Variants in DGKG observed in about 807,000 individuals in gnomAD.
The protein encoded by DGKG is diacylglycerol kinase gamma, also known as DAG kinase gamma.
A neutral mutation model predicts 105.3 loss-of-function variants in DGKG; 78 were observed. The observed-to-expected ratio is 0.74, with a 90% CI of 0.62 to 0.89. The LOEUF (loss-of-function observed/expected upper bound fraction) is 0.89, where lower values mean the gene tolerates loss of function less well. Among genes scored for constraint, DGKG ranks in the 40% least tolerant of loss-of-function variants. The probability of loss-of-function intolerance (pLI) is 0.00; values close to 1 mark genes in which losing one functional copy is unlikely to be tolerated. For missense variants in DGKG, 958 were observed against 1,020.1 expected (o/e 0.94, Z 0.83); for synonymous variants, 346 against 367.1 (o/e 0.94, Z 0.66).
intron 23 of DGKG, 111 bp downstream of exon 23, chr3:186,164,787 T>G: frequency 7.9e-7 from 1 of 1,271,178 alleles, no homozygotes; most frequent in Non-Finnish European, 1.1e-6. Flanking sequence ...TATCAAGCTT[T>G]TGTGCTGCAC....
intron 21 of DGKG, chr3:186,207,615 A>G (rs1718810304): frequency 6.5e-6 from 2 of 308,294 alleles, no homozygotes; most frequent in Non-Finnish European, 9.5e-6. Flanking sequence ...CCCCCATTTT[A>G]TAGATGAGAA....
chr3:186,286,867 C>G (rs1460846430), intron 6 of DGKG, among the ~76,000 whole-genome samples: 1 of 151,950 alleles, frequency 6.6e-6, no homozygotes, highest in Non-Finnish European at 1.5e-5. Context: ...GACTCCGTAT[C>G]TACCAAAAAT....
chr3:186,152,218 A>G, intron 24 of DGKG, among the ~76,000 whole-genome samples: 1 of 152,222 alleles, frequency 6.6e-6, no homozygotes, highest in African/African-American at 2.4e-5. Context: ...CCAGAGACCT[A>G]AAAGGGGAGA....
intron 21 of DGKG, among the ~76,000 whole-genome samples, chr3:186,200,782 G>A (rs1019381314): frequency 2.6e-5 from 4 of 152,226 alleles, no homozygotes; most frequent in Admixed American, 2.6e-4. Context: ...GAGTTCTGGC[G>A]GGTTTGTGTG....
intron 15 of DGKG, among the ~76,000 whole-genome samples, chr3:186,261,319 C>T (rs1425728152): frequency 3.9e-5 from 6 of 152,166 alleles, no homozygotes; most frequent in South Asian, 2.1e-4. Flanking sequence ...TCACGGGTGA[C>T]GGTAGCCCAG....
At chr3:186,339,470 C>G (rs1330073515) in intron 1 of DGKG, among the ~76,000 whole-genome samples, 1 of 152,212 alleles carries the variant, frequency 6.6e-6, no homozygotes, top group Non-Finnish European at 1.5e-5. Flanking sequence ...ATCAAAACCT[C>G]AAGACTCCTA....
chr3:186,326,295 G>A (rs1354109076), intron 1 of DGKG, among the ~76,000 whole-genome samples: 1 of 152,068 alleles, frequency 6.6e-6, no homozygotes, highest in African/African-American at 2.4e-5. Flanking sequence ...AGGAGGCTGA[G>A]GTAGGAGAAT....
intron 21 of DGKG, among the ~76,000 whole-genome samples, chr3:186,206,727 G>A (rs1013528034): frequency 3.9e-5 from 6 of 151,966 alleles, no homozygotes; most frequent in African/African-American, 7.3e-5. Flanking sequence ...GGGTGGGGGT[G>A]TGGGGACATG....
intron 2 of DGKG, among the ~76,000 whole-genome samples, chr3:186,319,458 C>A (rs1724978390): frequency 2.0e-5 from 3 of 152,172 alleles, no homozygotes; most frequent in African/African-American, 4.8e-5. Context: ...GAAGGGGGAC[C>A]TGTGCAAGAG....
rs1165295513 is a variant in DGKG at position 186,250,554 on chromosome 3, A to ATTTTTTTTTTTT, written c.1761+1204_1761+1205insAAAAAAAAAAAA. Among the ~76,000 whole-genome samples the ATTTTTTTTTTTT allele has an allele frequency of 1.7e-3, 46 of 27,452 alleles. 1 individual carries two copies. The highest frequency in any genetic ancestry group is 3.9e-3 in the East Asian group (2 of 512). 18.0% of individuals were successfully genotyped at this position (27,452 alleles called of 152,430 possible). On this transcript the variant is annotated intron_variant, in intron 19 of 24. Coordinates refer to ENST00000265022, the MANE Select transcript of DGKG (RefSeq NM_001346.3). ...GAACAAATAGTTCAATAATTCTGTC[A>ATTTTTTTTTTTT]TTCTTTTTTTTTTGAGACAGAGTCT...
chr3:186,323,711 C>T (rs545367686), intron 1 of DGKG, among the ~76,000 whole-genome samples: 15 of 152,046 alleles, frequency 9.9e-5, no homozygotes, highest in South Asian at 2.1e-4. Context: ...CCGAGACGGG[C>T]GGATCACAAG....
intron 21 of DGKG, among the ~76,000 whole-genome samples, chr3:186,195,325 C>T (rs1002221644): frequency 2.0e-5 from 3 of 151,952 alleles, no homozygotes; most frequent in African/African-American, 7.2e-5. Context: ...AAAGAATTAC[C>T]TTAATACTAT....
At chr3:186,213,105 C>T (rs1719112531) in intron 20 of DGKG, among the ~76,000 whole-genome samples, 1 of 152,158 alleles carries the variant, frequency 6.6e-6, no homozygotes, top group South Asian at 2.1e-4. Context: ...CTTCTGAGAT[C>T]TAGTTGGTTG....
At chr3:186,235,472 A>G (rs1720371582) in intron 20 of DGKG, among the ~76,000 whole-genome samples, 1 of 152,224 alleles carries the variant, frequency 6.6e-6, no homozygotes, top group South Asian at 2.1e-4. Context: ...AGGATTTTTA[A>G]CTTTGCTATA....
chr3:186,247,702 AGCC>A (rs1229063490), intron 19 of DGKG, among the ~76,000 whole-genome samples: 4 of 152,202 alleles, frequency 2.6e-5, no homozygotes, highest in Non-Finnish European at 5.9e-5. Context: ...ATTGAGAGAA[AGCC>A]AAGGGCACAC....
chr3:186,205,006 C>T (rs577875040), intron 21 of DGKG, among the ~76,000 whole-genome samples: 17 of 152,126 alleles, frequency 1.1e-4, no homozygotes, highest in African/African-American at 3.9e-4. Flanking sequence ...CATGTAATCC[C>T]AGCACTTTGG....
At chr3:186,254,665 A>G (rs1170061052) in intron 17 of DGKG, among the ~76,000 whole-genome samples, 1 of 151,520 alleles carries the variant, frequency 6.6e-6, no homozygotes, top group African/African-American at 2.4e-5. Context: ...TCTTCTCTCT[A>G]TCCCCATGGT....
chr3:186,334,437 C>G (rs774878600), intron 1 of DGKG, among the ~76,000 whole-genome samples: 4 of 152,164 alleles, frequency 2.6e-5, no homozygotes, highest in Non-Finnish European at 5.9e-5. Flanking sequence ...GGTGCCTCTT[C>G]CTCCACCAAC....
chr3:186,188,373 C>G lies in DGKG; in HGVS notation c.1924G>C (p.Gly642Arg). 4 of 1,614,022 alleles carry G rather than the reference C, an allele frequency of 2.5e-6. No homozygotes were observed. Among genetic ancestry groups the G allele is most frequent in the Non-Finnish European group, 2.5e-6 (3 of 1,180,000 alleles). The part of the protein sequence containing the change: ...LHDHIELECD[G>R]VGVDLSNIFL... Reference sequence around the variant, plus strand: ...ATGTTGCTCAGGTCCACCCCAACCCCATCACACTGGAGGACGGAGAGAAAA... The same window carrying G: ...ATGTTGCTCAGGTCCACCCCAACCCGATCACACTGGAGGACGGAGAGAAAA... Residue 642 changes from glycine (G) to arginine (R), a missense_variant, in exon 22 of 25, where the codon GGG (glycine) becomes CGG (arginine). Physicochemically the swap from Gly to Arg is moderately radical, Grantham distance 125. This residue lies in a region of DGKG where 315 missense variants were observed against 400.6 expected (regional missense o/e 0.79). Coordinates refer to ENST00000265022, the MANE Select transcript of DGKG (RefSeq NM_001346.3).
Sources: allele counts gnomAD v4.1 joint callset (sites outside exome capture counted in the v4.1 genomes callset), GRCh38; gene constraint gnomAD v4.1.1; regional missense constraint gnomAD v4.1.1; transcripts MANE v1.5; gene names NCBI Gene and HGNC (gene_info 2026-07-23, HGNC 2026-07-21).